Variants in USP48 observed in about 807,000 individuals in gnomAD.
USP48 encodes ubiquitin specific peptidase 48.
A neutral mutation model predicts 150.7 loss-of-function variants in USP48; 43 were observed. The ratio of observed to expected loss-of-function variants is 0.29; its 90% CI spans 0.22 to 0.37. USP48 has a LOEUF of 0.37. Ranked by LOEUF, USP48 falls within the 10% of genes least tolerant of loss-of-function variation. The pLI is 1.00. For missense variants in USP48, 813 were observed against 1,249.6 expected (o/e 0.65, Z 5.27); for synonymous variants, 396 against 425.9 (o/e 0.93, Z 0.86).
intron 25 of USP48, among the ~76,000 whole-genome samples, chr1:21,683,630 A>G (rs1425448473): frequency 6.6e-6 from 1 of 152,170 alleles, no homozygotes; most frequent in Non-Finnish European, 1.5e-5. Context: ...CAAGTGATCC[A>G]CTGCGCCCGG....
chr1:21,744,546 C>T (rs2097789646), intron 8 of USP48, among the ~76,000 whole-genome samples: 1 of 151,238 alleles, frequency 6.6e-6, no homozygotes, highest in African/African-American at 2.4e-5. Flanking sequence ...GAGGACAAGG[C>T]GGGCAGATCA....
chr1:21,775,707 C>A (rs1454311891), intron 1 of USP48, among the ~76,000 whole-genome samples: 1 of 152,152 alleles, frequency 6.6e-6, no homozygotes, highest in Non-Finnish European at 1.5e-5. Flanking sequence ...ACATTGTACT[C>A]CCTATACACG....
At chr1:21,695,381 G>C (rs1288152234) in intron 22 of USP48, among the ~76,000 whole-genome samples, 160 bp from the exon 23 acceptor site, 1 of 152,184 alleles carries the variant, frequency 6.6e-6, no homozygotes, top group Non-Finnish European at 1.5e-5. Context: ...GACTTTCTTA[G>C]CAGGCTCACA....
chr1:21,731,606 T>G (rs897534745), intron 9 of USP48, among the ~76,000 whole-genome samples: 7 of 146,900 alleles, frequency 4.8e-5, no homozygotes, highest in Non-Finnish European at 1.0e-4. Flanking sequence ...ATGGGCCAGG[T>G]GCGGTGGCTC....
At chr1:21,681,226 T>G (rs2097564911) in intron 25 of USP48, 1 of 161,632 alleles carries the variant, frequency 6.2e-6, no homozygotes. Flanking sequence ...CTTCTGGTAT[T>G]TAGCCTATTT....
intron 1 of USP48, among the ~76,000 whole-genome samples, chr1:21,762,737 G>A (rs950196543): frequency 1.4e-4 from 21 of 152,058 alleles, no homozygotes; most frequent in Middle Eastern, 3.4e-3. Context: ...GTGGTGGCAG[G>A]CGCCTGTAAT....
At chr1:21,751,278 C>A (rs2097812541) in intron 6 of USP48, among the ~76,000 whole-genome samples, 1 of 152,186 alleles carries the variant, frequency 6.6e-6, no homozygotes, top group Admixed American at 6.5e-5. Flanking sequence ...TATCTTCTCA[C>A]ACATACATAA....
At chr1:21,754,750 T>C (rs894189949) in intron 3 of USP48, among the ~76,000 whole-genome samples, 2 of 152,150 alleles carry the variant, frequency 1.3e-5, no homozygotes, top group South Asian at 2.1e-4. Flanking sequence ...GTGCCTCCAG[T>C]GAGGCATTTC....
intron 9 of USP48, among the ~76,000 whole-genome samples, chr1:21,730,394 A>T (rs1432960294): frequency 6.7e-6 from 1 of 150,112 alleles, no homozygotes; most frequent in African/African-American, 2.5e-5. Context: ...GTGAGCCGAG[A>T]TCACACTCCA....
In USP48 at chr1:21,757,709, T is replaced by C. The variant is rs1461160126; in HGVS notation, c.209A>G (p.Asn70Ser). The C allele has an allele frequency of 1.9e-6, 3 of 1,613,114 alleles. No individual in the cohort carries two copies. The highest frequency in any genetic ancestry group is 2.2e-5 in the East Asian group (1 of 44,844). Residue 70 changes from asparagine (N) to serine (S), a missense_variant, in exon 2 of 27, where the codon AAT (asparagine) becomes AGT (serine). Coordinates refer to ENST00000308271, the MANE Select transcript of USP48 (RefSeq NM_032236.8). ...EHIWLGEIDE[N>S]SFHNIDDPNC... The stretch of plus-strand genomic sequence containing the variant: ...GGGATCATCGATGTTATGAAAACTA[T>C]TTTCATCTATTTCTCCTAACCAAAT...
intron 9 of USP48, among the ~76,000 whole-genome samples, chr1:21,733,853 G>A (rs2097762743): frequency 6.6e-6 from 1 of 151,308 alleles, no homozygotes; most frequent in African/African-American, 2.4e-5. Flanking sequence ...GTGCAGTGGT[G>A]CAATCATGGC....
At position 21,719,434 on chromosome 1, in the gene USP48, A is replaced by G. The variant is rs192179505; in HGVS notation, c.1894+1602T>C. Among the ~76,000 whole-genome samples the G allele has an allele frequency of 1.8e-3, 280 of 152,274 alleles. 1 individual carries two copies. The highest frequency in any genetic ancestry group is 6.5e-3 in the African/African-American group (269 of 41,558). On this transcript the variant is annotated intron_variant, in intron 14 of 26. Transcript: ENST00000308271. ...TAGTGAGATAGGAAGATCAATACCA[A>G]ATAAAATAAATATAATATAAAGTGA... is the stretch of plus-strand genomic sequence containing the variant.
intron 25 of USP48, 80 bp downstream of exon 25, chr1:21,687,111 T>C: frequency 7.4e-7 from 1 of 1,353,560 alleles, no homozygotes; most frequent in Non-Finnish European, 1.0e-6. Flanking sequence ...AAAAGCACTG[T>C]ACACTAAAGC....
In USP48 at chr1:21,757,714, A is replaced by T. The variant is rs1233203109; in HGVS notation, c.204T>A (p.Asp68Glu). Reference sequence around the variant, plus strand: ...CATCGATGTTATGAAAACTATTTTCATCTATTTCTCCTAACCAAATATGCT... The same window carrying T: ...CATCGATGTTATGAAAACTATTTTCTTCTATTTCTCCTAACCAAATATGCT... ...IGEHIWLGEI[D>E]ENSFHNIDDP... is the part of the protein sequence containing the mutation. Residue 68 changes from aspartate to glutamate, a missense_variant, in exon 2 of 27, where the codon GAT becomes GAA. Coordinates refer to ENST00000308271, the MANE Select transcript of USP48 (RefSeq NM_032236.8). 1 of 1,613,290 alleles carries T rather than the reference A, an allele frequency of 6.2e-7. No individual in the cohort carries two copies. Among genetic ancestry groups the T allele is most frequent in the Admixed American group, 1.7e-5 (1 of 59,926 alleles).
intron 11 of USP48, 97 bp downstream of exon 11, chr1:21,728,469 TAGAA>T (rs2152553504): frequency 1.3e-6 from 2 of 1,508,276 alleles, no homozygotes; most frequent in African/African-American, 1.4e-5. Context: ...AGTGGGTTAT[TAGAA>T]AGAGTAAGTT....
chr1:21,689,906 C>T, intron 24 of USP48, 68 bp downstream of exon 24: 2 of 1,568,706 alleles, frequency 1.3e-6, no homozygotes, highest in Non-Finnish European at 8.7e-7. Flanking sequence ...CACCATTTCA[C>T]ACAGTTTACA....
chr1:21,726,865 G>T (rs756510189), intron 11 of USP48, among the ~76,000 whole-genome samples: 1 of 151,798 alleles, frequency 6.6e-6, no homozygotes, highest in Non-Finnish European at 1.5e-5. Flanking sequence ...TGGAGATACC[G>T]GACTATATGA....
chr1:21,761,293 C>T (rs61777163), intron 1 of USP48, among the ~76,000 whole-genome samples: 1 of 138,788 alleles, frequency 7.2e-6, no homozygotes, highest in African/African-American at 2.8e-5. Context: ...CTCTGAACTT[C>T]CTTTTTTTTT....
At chr1:21,751,924 A>C (rs2097815649) in intron 5 of USP48, among the ~76,000 whole-genome samples, 1 of 151,306 alleles carries the variant, frequency 6.6e-6, no homozygotes, top group South Asian at 2.1e-4. Flanking sequence ...AGGCTGAGGC[A>C]GGAGAATCGC....
Sources: gnomAD v4.1 joint callset for allele counts (sites outside exome capture counted in the v4.1 genomes callset) on GRCh38, gnomAD v4.1.1 for gene constraint, MANE v1.5 for transcripts, NCBI Gene and HGNC (gene_info 2026-07-23, HGNC 2026-07-21) for gene names.